KHDRBS2: variants seen among roughly 807,000 people sequenced by gnomAD.
KHDRBS2 encodes the protein KH RNA binding domain containing, signal transduction associated 2, also known as KH domain-containing, RNA-binding, signal transduction-associated protein 2.
KHDRBS2 carries 26 observed loss-of-function variants against 44.3 expected under a neutral mutation model. The observed-to-expected ratio is 0.59, with a 90% CI of 0.43 to 0.81. KHDRBS2 has a LOEUF of 0.81. Ranked by LOEUF, KHDRBS2 falls within the 40% of genes least tolerant of loss-of-function variation. The pLI, the probability that KHDRBS2 is intolerant of heterozygous loss-of-function variation, is 0.00. For synonymous variants in KHDRBS2, 194 were observed against 151.1 expected, an observed-to-expected ratio of 1.28 and a Z score of -2.08; for missense variants, 476 against 433.1, an observed-to-expected ratio of 1.10 and a Z score of -0.88.
intron 4 of KHDRBS2, among the ~76,000 whole-genome samples, chr6:61,911,768 TCATAGCAAC>T (rs1806088933): frequency 6.6e-6 from 1 of 152,100 alleles, no homozygotes; most frequent in Non-Finnish European, 1.5e-5. Flanking sequence ...AGCTACTCTG[TCATAGCAAC>T]TTTCTTGAAG....
chr6:61,993,667 ATATATATTTTTTTT>A (rs1473895760), intron 3 of KHDRBS2, among the ~76,000 whole-genome samples: 4 of 123,090 alleles, frequency 3.2e-5, no homozygotes, highest in Non-Finnish European at 7.0e-5. Flanking sequence ...ATATATATAT[ATATATATTTTTTTT>A]TTTTGATGTG....
chr6:62,127,398 C>T (rs561000198), intron 2 of KHDRBS2, among the ~76,000 whole-genome samples: 2 of 152,054 alleles, frequency 1.3e-5, no homozygotes, highest in South Asian at 2.1e-4. Context: ...ATATATATTG[C>T]CAAGCACTTG....
intron 4 of KHDRBS2, among the ~76,000 whole-genome samples, chr6:61,938,235 A>G (rs1005105830): frequency 1.3e-5 from 2 of 152,166 alleles, no homozygotes; most frequent in African/African-American, 2.4e-5. Context: ...ACATAAGATC[A>G]GTGTGTATTC....
rs1414544846 is a variant in KHDRBS2 at position 61,945,110 on chromosome 6, A to ATGTATATAT, written c.483+32955_483+32956insATATATACA. Among the ~76,000 whole-genome samples the ATGTATATAT allele has an allele frequency of 3.3e-3, 154 of 46,258 alleles. 27 individuals carry two copies. The highest frequency in any genetic ancestry group is 0.017 in the African/African-American group (148 of 8,872). The allele number at this position is 46,258 out of a possible 152,430, so 30.3% of individuals were successfully genotyped here. ...TGTCTTAAAAAAAAAAAAAAAAAAAAAAGTATATATATATATATATATATA... is the reference window on the plus strand; with the variant it reads ...TGTCTTAAAAAAAAAAAAAAAAAAAATGTATATATAAGTATATATATATATATATATATA... On this transcript the variant is annotated intron_variant, in intron 4 of 8. Transcript: ENST00000281156.
the KHDRBS2 span, chr6:61,574,451 CA>C: frequency 0.14 from 204,022 of 1,415,398 alleles, 16,291 homozygotes; most frequent in East Asian, 0.28. Flanking sequence ...CCAATGCAAA[CA>C]ACACCCAATA....
rs563466391 is a variant in KHDRBS2 at position 62,168,791 on chromosome 6, C to T, written c.219+8394G>A. On this transcript the variant is annotated intron_variant, in intron 2 of 8. Transcript: ENST00000281156. Reference sequence around the variant, plus strand: ...TTTAAAACTGCAATTAAACTCAATACACATAGTTCCTATGCTACAAACAAC... The same window carrying T: ...TTTAAAACTGCAATTAAACTCAATATACATAGTTCCTATGCTACAAACAAC... 4.0e-5 allele frequency among the ~76,000 whole-genome samples: 6 copies of T among 151,868 alleles called. No homozygotes were observed. In the East Asian group the frequency reaches 1.2e-3, roughly 30 times the overall value.
intron 1 of KHDRBS2, among the ~76,000 whole-genome samples, chr6:62,221,147 C>T (rs775082918): frequency 1.5e-4 from 22 of 151,464 alleles, no homozygotes; most frequent in Non-Finnish European, 3.1e-4. Context: ...AAAGATTTTG[C>T]CATTTGCCAC....
chr6:62,169,204 T>C (rs1819476097), intron 2 of KHDRBS2, among the ~76,000 whole-genome samples: 1 of 110,472 alleles, frequency 9.1e-6, no homozygotes, highest in Admixed American at 8.6e-5. Flanking sequence ...CATATATGTA[T>C]ATATATGTAT....
At chr6:61,624,758 T>C in the KHDRBS2 span, among the ~76,000 whole-genome samples, 1 of 152,054 alleles carries the variant, frequency 6.6e-6, no homozygotes, top group East Asian at 1.9e-4. Flanking sequence ...TGGGACACGA[T>C]ATATACGCTA....
chr6:61,686,476 A>G (rs1182787106), intron 8 of KHDRBS2, among the ~76,000 whole-genome samples: 1 of 151,754 alleles, frequency 6.6e-6, no homozygotes, highest in Non-Finnish European at 1.5e-5. Context: ...AATCCCAAAG[A>G]ATATGTTAGG....
At chr6:61,740,115 G>C (rs1027846477) in intron 6 of KHDRBS2, among the ~76,000 whole-genome samples, 1 of 151,882 alleles carries the variant, frequency 6.6e-6, no homozygotes, top group African/African-American at 2.4e-5. Context: ...AGGTGCTATG[G>C]AAGCACACTG....
At chr6:62,267,646 C>T (rs929256236) in intron 1 of KHDRBS2, among the ~76,000 whole-genome samples, 1 of 151,958 alleles carries the variant, frequency 6.6e-6, no homozygotes, top group Non-Finnish European at 1.5e-5. Context: ...TCAAAATGAG[C>T]TACAGACTAA....
At chr6:62,269,355 A>T (rs1839714678) in intron 1 of KHDRBS2, among the ~76,000 whole-genome samples, 1 of 152,130 alleles carries the variant, frequency 6.6e-6, no homozygotes, top group South Asian at 2.1e-4. Flanking sequence ...AACGATGCAA[A>T]CCCAGAACAC....
At chr6:61,766,890 T>C (rs1484445695) in intron 6 of KHDRBS2, among the ~76,000 whole-genome samples, 1 of 152,074 alleles carries the variant, frequency 6.6e-6, no homozygotes, top group East Asian at 1.9e-4. Flanking sequence ...ATATGGCCTG[T>C]CTTTAATCAA....
the KHDRBS2 span, among the ~76,000 whole-genome samples, chr6:61,639,248 T>G: frequency 3.3e-5 from 5 of 152,070 alleles, no homozygotes; most frequent in African/African-American, 1.2e-4. Flanking sequence ...TGTTCAAGCT[T>G]TTTAGCTTGC....
At chr6:61,657,496 T>C in the KHDRBS2 span, among the ~76,000 whole-genome samples, 1 of 151,956 alleles carries the variant, frequency 6.6e-6, no homozygotes, top group African/African-American at 2.4e-5. Context: ...TGGAAAGACA[T>C]ATGCAACATA....
chr6:62,145,815 C>A (rs562808361), intron 2 of KHDRBS2, among the ~76,000 whole-genome samples: 3 of 151,900 alleles, frequency 2.0e-5, no homozygotes. Flanking sequence ...GAAAATTGTA[C>A]ACATAATCAC....
the KHDRBS2 span, among the ~76,000 whole-genome samples, chr6:61,584,501 G>T: frequency 6.6e-6 from 1 of 151,684 alleles, no homozygotes; most frequent in Non-Finnish European, 1.5e-5. Flanking sequence ...TGGCTGATTT[G>T]CATATGGTAA....
At chr6:61,764,953 CTTAATAG>C (rs1412345844) in intron 6 of KHDRBS2, among the ~76,000 whole-genome samples, 2 of 62,866 alleles carry the variant, frequency 3.2e-5, no homozygotes, top group Non-Finnish European at 8.9e-5. Context: ...AAATCAAAAA[CTTAATAG>C]TTAAATTAAA....
Sources: gnomAD v4.1 joint callset for allele counts (sites outside exome capture counted in the v4.1 genomes callset) on GRCh38, gnomAD v4.1.1 for gene constraint, MANE v1.5 for transcripts, NCBI Gene and HGNC (gene_info 2026-07-23, HGNC 2026-07-21) for gene names.